The following DAPK1 variants were observed in gnomAD, a reference collection of about 807,000 sequenced individuals.
DAPK1 encodes the protein death associated protein kinase 1, also known as death-associated protein kinase 1.
In DAPK1, 56 loss-of-function variants were observed where a neutral mutation model predicts 144.9. That is an observed-to-expected ratio of 0.39 (90% CI 0.31 to 0.48). DAPK1 has a LOEUF of 0.48. Ranked by LOEUF, DAPK1 falls within the 20% of genes least tolerant of loss-of-function variation. The pLI, the probability that DAPK1 is intolerant of heterozygous loss-of-function variation, is 0.95. For missense variants in DAPK1, 1,454 were observed against 1,875.4 expected (o/e 0.78, Z 4.15); for synonymous variants, 690 against 749.0 (o/e 0.92, Z 1.29).
At chr9:87,607,004 C>T (rs1162748022) in intron 3 of DAPK1, among the ~76,000 whole-genome samples, 1 of 151,520 alleles carries the variant, frequency 6.6e-6, no homozygotes, top group Admixed American at 6.6e-5. Context: ...AAAATATATC[C>T]AGACATTGCC....
At chr9:87,548,966 T>C (rs893273172) in intron 2 of DAPK1, among the ~76,000 whole-genome samples, 2 of 132,438 alleles carry the variant, frequency 1.5e-5, no homozygotes, top group African/African-American at 5.5e-5. Context: ...AGTTCAGGGG[T>C]ACATTTGCAG....
rs911915349 is a variant in DAPK1 at position 87,646,376 on chromosome 9, G to T, written c.1132-85G>T. 6 of 960,058 alleles carry T rather than the reference G, an allele frequency of 6.2e-6. No individual in the cohort carries two copies. The African/African-American group carries it at 8.1e-5, about 13-fold the overall frequency. The allele number at this position is 960,058 out of a possible 1,614,324, so 59.5% of individuals were successfully genotyped here. The stretch of plus-strand genomic sequence containing the variant: ...CTCTATGTCTGTTGAGACAGGGGAA[G>T]GTGTGTGGTAACAGCAATCATCGTT... On this transcript the variant is annotated intron_variant, in intron 12 of 25. Transcript: ENST00000408954.
intron 2 of DAPK1, among the ~76,000 whole-genome samples, chr9:87,598,883 G>T (rs576369083): frequency 6.6e-6 from 1 of 152,330 alleles, no homozygotes; most frequent in South Asian, 2.1e-4. Context: ...TTACTAGAAT[G>T]CTTCCTGAAT....
chr9:87,547,586 T>A (rs2889979), intron 2 of DAPK1, among the ~76,000 whole-genome samples: 25 of 55,454 alleles, frequency 4.5e-4, no homozygotes, highest in African/African-American at 1.3e-3. Context: ...AGAGTGTGTG[T>A]GTGTGTGTGT....
chr9:87,640,553 T>C, intron 8 of DAPK1, 103 bp downstream of exon 8: 1 of 1,331,460 alleles, frequency 7.5e-7, no homozygotes, highest in African/African-American at 1.5e-5. Flanking sequence ...CCCTGCTTGC[T>C]TCATCTGCCA....
chr9:87,503,167 C>T (rs1049926303), intron 2 of DAPK1, among the ~76,000 whole-genome samples: 1 of 152,082 alleles, frequency 6.6e-6, no homozygotes, highest in East Asian at 1.9e-4. Context: ...TTCTAGTCTA[C>T]AGGTAGATAT....
chr9:87,673,388 A>C (rs2119298299), intron 19 of DAPK1, among the ~76,000 whole-genome samples: 1 of 152,310 alleles, frequency 6.6e-6, no homozygotes, highest in Non-Finnish European at 1.5e-5. Context: ...AGCTTTCATC[A>C]GTTGACATTG....
intron 18 of DAPK1, among the ~76,000 whole-genome samples, chr9:87,658,964 G>A (rs1046460687): frequency 4.6e-5 from 7 of 152,326 alleles, no homozygotes; most frequent in Middle Eastern, 3.4e-3. Context: ...GCCATATCCC[G>A]CTGCTGGTCT....
intron 13 of DAPK1, among the ~76,000 whole-genome samples, 159 bp downstream of exon 13, chr9:87,646,718 A>T (rs181728043): frequency 6.6e-6 from 1 of 152,344 alleles, no homozygotes; most frequent in East Asian, 1.9e-4. Flanking sequence ...ACAGCCTGAC[A>T]CATGGGTTAA....
chr9:87,576,331 C>T lies in DAPK1; in HGVS notation c.63-28623C>T, dbSNP rs138421106. Among the ~76,000 whole-genome samples the T allele has an allele frequency of 3.9e-3, 592 of 152,322 alleles. 1 individual carries two copies. Among genetic ancestry groups the T allele is most frequent in the African/African-American group, 0.014 (566 of 41,574 alleles). ...ATAATTATAAGAATAAAAAGCAAAG[C>T]GCAGTGGACTCCTATATTTGCTCTT... On this transcript the variant is annotated intron_variant, in intron 2 of 25. Transcript: ENST00000408954.
chr9:87,579,412 A>T (rs1008324037), intron 2 of DAPK1, among the ~76,000 whole-genome samples: 1 of 152,166 alleles, frequency 6.6e-6, no homozygotes, highest in Admixed American at 6.5e-5. Flanking sequence ...TCCTAGCTTG[A>T]CACAGTGGCA....
At chr9:87,667,792 G>A (rs1831109013) in intron 18 of DAPK1, 1 of 151,812 alleles carries the variant, frequency 6.6e-6, no homozygotes, top group Admixed American at 6.6e-5. Context: ...CTCTAAAACT[G>A]CAACAGAACA....
chr9:87,687,966 A>C (rs1047014428), intron 21 of DAPK1, among the ~76,000 whole-genome samples: 4 of 152,122 alleles, frequency 2.6e-5, no homozygotes, highest in Non-Finnish European at 4.4e-5. Flanking sequence ...ATTTCTATGC[A>C]GGTTCTTGCT....
chr9:87,534,200 C>T (rs1260940987), intron 2 of DAPK1, among the ~76,000 whole-genome samples: 2 of 150,830 alleles, frequency 1.3e-5, no homozygotes, highest in East Asian at 3.9e-4. Flanking sequence ...GTGCAATGTG[C>T]GATATGCCAC....
chr9:87,640,947 C>A, intron 9 of DAPK1, 100 bp downstream of exon 9: 1 of 1,142,340 alleles, frequency 8.8e-7, no homozygotes, highest in Non-Finnish European at 1.3e-6. Context: ...CCACAGGTCA[C>A]ACCTGGAGTG....
At chr9:87,534,019 G>A (rs1379840343) in intron 2 of DAPK1, among the ~76,000 whole-genome samples, 1 of 151,962 alleles carries the variant, frequency 6.6e-6, no homozygotes, top group Non-Finnish European at 1.5e-5. Context: ...GGCCCATTTA[G>A]TTATACATTT....
At chr9:87,669,949 T>A (rs1004614066) in intron 19 of DAPK1, among the ~76,000 whole-genome samples, 1 of 152,176 alleles carries the variant, frequency 6.6e-6, no homozygotes, top group African/African-American at 2.4e-5. Flanking sequence ...ACTGAGCAGA[T>A]GTTAATAAAC....
intron 3 of DAPK1, among the ~76,000 whole-genome samples, chr9:87,617,638 A>G (rs1183501203): frequency 1.3e-5 from 2 of 152,200 alleles, no homozygotes; most frequent in African/African-American, 4.8e-5. Context: ...TGCAAAGTGT[A>G]TTAATTTGTA....
chr9:87,506,258 A>G (rs868477), intron 2 of DAPK1, among the ~76,000 whole-genome samples: 3,097 of 152,332 alleles, frequency 0.02, 60 homozygotes, highest in African/African-American at 0.05. Context: ...CAGCATCTGC[A>G]TGGAGAAAAT....
Sources: gnomAD v4.1 joint callset for allele counts (sites outside exome capture counted in the v4.1 genomes callset) on GRCh38, gnomAD v4.1.1 for gene constraint, MANE v1.5 for transcripts, NCBI Gene and HGNC (gene_info 2026-07-23, HGNC 2026-07-21) for gene names.